Variants in ANK2 observed in about 807,000 individuals in gnomAD.
The protein encoded by ANK2 is ankyrin-2.
Under a neutral mutation model 360.5 loss-of-function variants are expected in ANK2, and 83 were observed. The ratio of observed to expected loss-of-function variants is 0.23; its 90% CI spans 0.19 to 0.28. ANK2 has a LOEUF of 0.28. ANK2 is among the 10% of genes least tolerant of loss of function. The pLI, the probability that ANK2 is intolerant of heterozygous loss-of-function variation, is 1.00. For missense variants in ANK2, 4,201 were observed against 4,795.7 expected, an observed-to-expected ratio of 0.88 and a Z score of 3.66; for synonymous variants, 1,740 against 1,759.5, an observed-to-expected ratio of 0.99 and a Z score of 0.28.
Position 113,367,549 on chromosome 4 carries a change from A to T in ANK2, c.11033-17A>T, listed in dbSNP as rs1271482632. On this transcript the variant is annotated splice_polypyrimidine_tract_variant and intron_variant, in intron 41 of 45. Coordinates refer to ENST00000357077, the MANE Select transcript of ANK2 (RefSeq NM_001148.6). ...TAGGTAAGCTTCAACTAAATACTTA[A>T]ATCATTCTGCCTTTAGGGTTCTCGG... 7 of 1,613,194 alleles carry T rather than the reference A, an allele frequency of 4.3e-6. No individual in the cohort carries two copies. The South Asian group carries it at 6.6e-5, about 15-fold the overall frequency.
chr4:113,162,483 A>G (rs1036103033), intron 1 of ANK2, among the ~76,000 whole-genome samples: 3 of 152,124 alleles, frequency 2.0e-5, no homozygotes, highest in Non-Finnish European at 4.4e-5. Flanking sequence ...AGTTTTCTCT[A>G]TACTGTGTTC....
chr4:113,247,287 A>T, intron 9 of ANK2, among the ~76,000 whole-genome samples: 1 of 152,138 alleles, frequency 6.6e-6, no homozygotes, highest in Non-Finnish European at 1.5e-5. Flanking sequence ...CTTGAAAAGA[A>T]TTTTTTTGGG....
intron 2 of ANK2, among the ~76,000 whole-genome samples, chr4:112,974,631 G>T (rs1209277379): frequency 6.6e-6 from 1 of 152,200 alleles, no homozygotes; most frequent in Non-Finnish European, 1.5e-5. Flanking sequence ...TATGCATCAG[G>T]AAGTGCAAAT....
chr4:112,779,915 C>T, the ANK2 span, among the ~76,000 whole-genome samples: 8 of 152,218 alleles, frequency 5.3e-5, no homozygotes, highest in Middle Eastern at 3.4e-3. Context: ...GAGCCCCTTC[C>T]ACTGCACTGT....
intron 2 of ANK2, among the ~76,000 whole-genome samples, chr4:113,182,430 G>A (rs952693329): frequency 2.6e-5 from 4 of 152,124 alleles, no homozygotes; most frequent in Admixed American, 1.3e-4. Context: ...ATTCAAAACC[G>A]TGTTACTGCA....
rs1312605142 is a variant in ANK2 at position 113,356,211 on chromosome 4, A to G, written c.7593A>G (p.Ser2531=). 2.5e-6 allele frequency: 4 copies of G among 1,613,996 alleles called. No homozygotes were observed. Among genetic ancestry groups the G allele is most frequent in the Non-Finnish European group, 3.4e-6 (4 of 1,179,968 alleles). ...AGCAGACATCGCTCATGGAGAGCTC[A>G]GGGAAGAGCCCCCTTTCTCCTGACA... ...SLEQTSLMES[S]GKSPLSPDTP... Residue 2531 remains serine (S), a synonymous_variant, in exon 38 of 46, where the codon TCA becomes TCG. Coordinates refer to ENST00000357077, the MANE Select transcript of ANK2 (RefSeq NM_001148.6).
chr4:112,797,787 T>C, the ANK2 span: 1 of 158,478 alleles, frequency 6.3e-6, no homozygotes. Flanking sequence ...GAAATGAAAA[T>C]AATAGGAGGC....
intron 1 of ANK2, among the ~76,000 whole-genome samples, chr4:113,126,009 C>T (rs966192): frequency 0.017 from 2,564 of 152,206 alleles, 47 homozygotes; most frequent in East Asian, 0.089. Context: ...TGGGTATATA[C>T]AAAATGAAGT....
At chr4:112,975,475 C>T (rs1052357864) in intron 2 of ANK2, among the ~76,000 whole-genome samples, 5 of 152,020 alleles carry the variant, frequency 3.3e-5, no homozygotes, top group Non-Finnish European at 7.4e-5. Context: ...TTATACACAA[C>T]TTTAAATAAT....
In ANK2 at chr4:113,373,082, C is replaced by T; in HGVS notation, c.11611-8C>T. The stretch of plus-strand genomic sequence containing the variant: ...CACCACAGTGACCCTTTTCTCTCAA[C>T]TGTTTAGGGAGACGATATGCCTGAA... On this transcript the variant is annotated splice_region_variant and splice_polypyrimidine_tract_variant and intron_variant, in intron 43 of 45. Transcript: ENST00000357077. 6.2e-7 allele frequency: 1 copy of T among 1,612,976 alleles called. No individual in the cohort carries two copies. Among genetic ancestry groups the T allele is most frequent in the African/African-American group, 1.3e-5 (1 of 75,012 alleles).
the ANK2 span, among the ~76,000 whole-genome samples, chr4:112,789,956 T>G: frequency 6.6e-6 from 1 of 152,250 alleles, no homozygotes; most frequent in Middle Eastern, 3.4e-3. Flanking sequence ...ATAACCAGTG[T>G]TGGTGAGAAT....
the ANK2 span, among the ~76,000 whole-genome samples, chr4:112,716,142 C>G: frequency 6.6e-6 from 1 of 152,106 alleles, no homozygotes; most frequent in African/African-American, 2.4e-5. Context: ...TTTGCACAGC[C>G]CCCCTAGTTC....
intron 1 of ANK2, among the ~76,000 whole-genome samples, chr4:113,094,517 CGT>C (rs35254461): frequency 6.4e-4 from 96 of 149,094 alleles, no homozygotes; most frequent in African/African-American, 1.3e-3. Context: ...GGGTGCAGCA[CGT>C]GTGTGTGTGT....
intron 3 of ANK2, among the ~76,000 whole-genome samples, chr4:113,197,576 T>C (rs2098767013): frequency 6.6e-6 from 1 of 151,904 alleles, no homozygotes; most frequent in Admixed American, 6.6e-5. Context: ...TAATCTGGAG[T>C]AAACAAACAA....
At chr4:112,923,180 C>T (rs181181515) in intron 2 of ANK2, among the ~76,000 whole-genome samples, 4 of 152,212 alleles carry the variant, frequency 2.6e-5, no homozygotes, top group Admixed American at 2.0e-4. Flanking sequence ...ACACATAGCA[C>T]TAAACTAGAC....
At chr4:112,984,609 G>A (rs768260234) in intron 2 of ANK2, among the ~76,000 whole-genome samples, 14 of 152,162 alleles carry the variant, frequency 9.2e-5, no homozygotes, top group African/African-American at 1.2e-4. Context: ...TATAAGAAGC[G>A]GGGTAGAGAT....
At chr4:113,008,307 G>A (rs1033361952) in intron 2 of ANK2, among the ~76,000 whole-genome samples, 8 of 152,140 alleles carry the variant, frequency 5.3e-5, no homozygotes, top group African/African-American at 1.9e-4. Flanking sequence ...TTTGTAGTTA[G>A]AGAAAAGCCT....
the ANK2 span, among the ~76,000 whole-genome samples, chr4:112,768,462 C>G: frequency 6.6e-6 from 1 of 152,068 alleles, no homozygotes; most frequent in Non-Finnish European, 1.5e-5. Context: ...CCATGTTGCC[C>G]AGGCTGATCT....
intron 15 of ANK2, among the ~76,000 whole-genome samples, chr4:113,274,992 A>C (rs946448554): frequency 6.6e-6 from 1 of 152,200 alleles, no homozygotes; most frequent in Admixed American, 6.5e-5. Flanking sequence ...TTGAACTGGT[A>C]ATACTAATGA....
Sources: allele counts gnomAD v4.1 joint callset (sites outside exome capture counted in the v4.1 genomes callset), GRCh38; gene constraint gnomAD v4.1.1; transcripts MANE v1.5; gene names NCBI Gene and HGNC (gene_info 2026-07-23, HGNC 2026-07-21).